Variants in PARN observed in about 807,000 individuals in gnomAD.
PARN encodes poly(A)-specific ribonuclease PARN.
Under a neutral mutation model 102.8 loss-of-function variants are expected in PARN, and 71 were observed. That is an observed-to-expected ratio of 0.69 (90% CI 0.57 to 0.84). PARN has a LOEUF of 0.84. PARN is among the 40% of genes least tolerant of loss of function. The probability of loss-of-function intolerance (pLI) is 0.00; values close to 1 mark genes in which losing one functional copy is unlikely to be tolerated. For synonymous variants in PARN, 261 were observed against 252.9 expected (o/e 1.03, Z -0.30); for missense variants, 782 against 760.9 (o/e 1.03, Z -0.33).
chr16:14,562,974 G>C (rs1226951328), intron 18 of PARN, among the ~76,000 whole-genome samples: 1 of 152,212 alleles, frequency 6.6e-6, no homozygotes, highest in Non-Finnish European at 1.5e-5. Flanking sequence ...TGAATATTAA[G>C]TGGGTTGCAA....
chr16:14,554,140 G>T lies in PARN; in HGVS notation c.1330C>A (p.Arg444Ser), dbSNP rs765981944. The T allele has an allele frequency of 1.2e-6, 2 of 1,611,494 alleles. No individual in the cohort carries two copies. Among genetic ancestry groups the T allele is most frequent in the South Asian group, 2.2e-5 (2 of 90,636 alleles). The change falls in exon 20 of 24, where the codon CGT becomes AGT. Residue 444 changes from arginine (R) to serine (S), a missense_variant. Coordinates refer to ENST00000437198, the MANE Select transcript of PARN (RefSeq NM_002582.4). ...AATGTCACATGGAGAACATGATCAC[G>T]TTTAGGCTGCACTACAAGACAAATT... is the stretch of plus-strand genomic sequence containing the variant. ...NLEGPDLQPK[R>S]DHVLHVTFPK...
In PARN at chr16:14,548,151, G is replaced by C. The variant is rs1055182665; in HGVS notation, c.1480+3870C>G. Among the ~76,000 whole-genome samples, 5 of 152,188 alleles carry C rather than the reference G, an allele frequency of 3.3e-5. No individual in the cohort carries two copies. In the East Asian group the frequency reaches 9.6e-4, roughly 29 times the overall value. ...TAGTCCCAGCTACTCGGGAGGCTGA[G>C]GCAGGAGACTCGCTTGAACCTGGGA... On this transcript the variant is annotated intron_variant, in intron 21 of 23. Coordinates refer to ENST00000437198, the MANE Select transcript of PARN (RefSeq NM_002582.4).
At chr16:14,441,398 C>CA (rs1331270464) in intron 23 of PARN, among the ~76,000 whole-genome samples, 3 of 152,192 alleles carry the variant, frequency 2.0e-5, no homozygotes, top group Non-Finnish European at 4.4e-5. Context: ...AGGGGTAAGG[C>CA]ATTGCTTTTT....
chr16:14,580,334 C>T (rs925024745), intron 18 of PARN, among the ~76,000 whole-genome samples: 1 of 151,520 alleles, frequency 6.6e-6, no homozygotes, highest in Non-Finnish European at 1.5e-5. Context: ...GTTGCCCAGG[C>T]TGCAGTGCAG....
chr16:14,489,198 A>C (rs1259988031), intron 21 of PARN, among the ~76,000 whole-genome samples: 4 of 152,216 alleles, frequency 2.6e-5, no homozygotes, highest in Non-Finnish European at 4.4e-5. Context: ...GGGAATCAGG[A>C]GAACTAGAGA....
At chr16:14,502,564 T>C (rs2151627057) in intron 21 of PARN, among the ~76,000 whole-genome samples, 1 of 152,314 alleles carries the variant, frequency 6.6e-6, no homozygotes, top group East Asian at 1.9e-4. Flanking sequence ...GATAAATACT[T>C]TTGCTGAGTG....
At chr16:14,462,405 C>A (rs764567380) in intron 22 of PARN, among the ~76,000 whole-genome samples, 3 of 151,748 alleles carry the variant, frequency 2.0e-5, no homozygotes, top group Non-Finnish European at 4.4e-5. Flanking sequence ...GACATTTAAC[C>A]ACGGGAGTTC....
chr16:14,560,878 G>A lies in PARN; in HGVS notation c.1263-5169C>T, dbSNP rs371071292. 3.9e-5 allele frequency among the ~76,000 whole-genome samples: 6 copies of A among 152,212 alleles called. No individual in the cohort carries two copies. The South Asian group carries it at 6.2e-4, about 16-fold the overall frequency. On this transcript the variant is annotated intron_variant, in intron 18 of 23. Transcript: ENST00000437198. ...TTTTGTGAAACAGGCGGTATAGGCC[G>A]GGCGCGGTGGCTCACGCCTATAATC...
At chr16:14,594,834 TC>T (rs1292038960) in intron 12 of PARN, among the ~76,000 whole-genome samples, 1 of 152,156 alleles carries the variant, frequency 6.6e-6, no homozygotes, top group African/African-American at 2.4e-5. Flanking sequence ...ACACAAAATC[TC>T]CCAAATCTAA....
chr16:14,461,262 A>T (rs1008435576), intron 22 of PARN, among the ~76,000 whole-genome samples: 2 of 152,198 alleles, frequency 1.3e-5, no homozygotes, highest in East Asian at 3.8e-4. Flanking sequence ...CCTAGATGAG[A>T]TCCTGAAACT....
rs568438403 is a variant in PARN, at chr16:14,605,425, C to T, written c.702+1059G>A. 2.0e-5 allele frequency among the ~76,000 whole-genome samples: 3 copies of T among 152,278 alleles called. No homozygotes were observed. In the East Asian group the frequency reaches 5.8e-4, roughly 29 times the overall value. ...AACAGACTGTGAGAATAAGACATTT[C>T]CTATGACAAATACTAAAAAAGTTAT... On this transcript the variant is annotated intron_variant, in intron 10 of 23. Coordinates refer to ENST00000437198, the MANE Select transcript of PARN (RefSeq NM_002582.4).
chr16:14,622,004 C>T (rs148075240), intron 5 of PARN, among the ~76,000 whole-genome samples: 66 of 151,876 alleles, frequency 4.3e-4, no homozygotes, highest in African/African-American at 1.4e-3. Flanking sequence ...ACCAGACTGG[C>T]CAACATGGTG....
intron 22 of PARN, among the ~76,000 whole-genome samples, chr16:14,470,220 T>C (rs1244165021): frequency 1.3e-5 from 2 of 152,072 alleles, no homozygotes; most frequent in African/African-American, 4.8e-5. Context: ...GATGACACAG[T>C]GCTTTAATGT....
intron 23 of PARN, 60 bp downstream of exon 23, chr16:14,446,828 A>T: frequency 4.2e-6 from 5 of 1,198,700 alleles, no homozygotes; most frequent in Non-Finnish European, 5.8e-6. Context: ...CCAAAATAGG[A>T]GTTTCTAGAG....
chr16:14,479,165 T>C (rs1000268127), intron 22 of PARN, among the ~76,000 whole-genome samples: 12 of 152,174 alleles, frequency 7.9e-5, no homozygotes, highest in Non-Finnish European at 1.3e-4. Flanking sequence ...ATACCTATAA[T>C]ACTAACACTT....
At chr16:14,508,075 G>T (rs561404243) in intron 21 of PARN, among the ~76,000 whole-genome samples, 10 of 152,282 alleles carry the variant, frequency 6.6e-5, no homozygotes, top group African/African-American at 2.4e-4. Context: ...TTTCATTATT[G>T]TGTGTTTTCC....
chr16:14,479,105 G>A (rs779701532), intron 22 of PARN, among the ~76,000 whole-genome samples: 16 of 152,102 alleles, frequency 1.1e-4, no homozygotes, highest in East Asian at 3.9e-4. Context: ...AGGAGCAAAC[G>A]GTTTGAAAAT....
intron 21 of PARN, among the ~76,000 whole-genome samples, chr16:14,486,201 A>C (rs1191338946): frequency 2.0e-5 from 3 of 151,768 alleles, no homozygotes; most frequent in Non-Finnish European, 4.4e-5. Flanking sequence ...ACACACACAC[A>C]AAAAAAACCA....
chr16:14,438,444 G>GGT (rs1471723667), intron 23 of PARN, among the ~76,000 whole-genome samples: 1 of 150,476 alleles, frequency 6.6e-6, no homozygotes, highest in African/African-American at 2.5e-5. Context: ...CATTAGTTGG[G>GGT]GGGGGGGGTG....
Sources: gnomAD v4.1 joint callset for allele counts (sites outside exome capture counted in the v4.1 genomes callset) on GRCh38, gnomAD v4.1.1 for gene constraint, MANE v1.5 for transcripts, NCBI Gene and HGNC (gene_info 2026-07-23, HGNC 2026-07-21) for gene names.